Variants in ADGRV1 observed in about 807,000 individuals in gnomAD.
ADGRV1 encodes G-protein coupled receptor 98.
Under a neutral mutation model 596.2 loss-of-function variants are expected in ADGRV1, and 359 were observed. The ratio of observed to expected loss-of-function variants is 0.60; its 90% confidence interval spans 0.55 to 0.66. ADGRV1 has a LOEUF of 0.66. Among genes scored for constraint, ADGRV1 ranks in the 30% least tolerant of loss-of-function variants. The probability of loss-of-function intolerance (pLI) is 0.00; values close to 1 mark genes in which losing one functional copy is unlikely to be tolerated. For synonymous variants in ADGRV1, 2,681 were observed against 2,679.2 expected (o/e 1.00, Z -0.02); for missense variants, 7,274 against 7,575.6 (o/e 0.96, Z 1.48).
intron 85 of ADGRV1, among the ~76,000 whole-genome samples, chr5:91,003,882 A>T (rs1782047642): frequency 6.6e-6 from 1 of 152,196 alleles, no homozygotes; most frequent in African/African-American, 2.4e-5. Flanking sequence ...GTAGGAAAGT[A>T]TCATTAATGG....
chr5:90,954,337 G>A (rs1241260459), intron 83 of ADGRV1, among the ~76,000 whole-genome samples: 7 of 152,054 alleles, frequency 4.6e-5, no homozygotes, highest in East Asian at 1.9e-4. Context: ...TCTATTATAC[G>A]TTAGAAAATA....
At chr5:90,798,813 C>A (rs1476387412) in intron 70 of ADGRV1, among the ~76,000 whole-genome samples, 1 of 152,112 alleles carries the variant, frequency 6.6e-6, no homozygotes, top group Non-Finnish European at 1.5e-5. Context: ...GAAACAGAAG[C>A]AATGACAAAA....
At chr5:90,633,537 C>G (rs1765767368) in intron 9 of ADGRV1, among the ~76,000 whole-genome samples, 2 of 151,864 alleles carry the variant, frequency 1.3e-5, no homozygotes, top group African/African-American at 4.8e-5. Flanking sequence ...TGCCTTATAA[C>G]AATGCACACC....
At chr5:90,727,128 C>G (rs1396149582) in intron 48 of ADGRV1, among the ~76,000 whole-genome samples, 1 of 152,068 alleles carries the variant, frequency 6.6e-6, no homozygotes, top group East Asian at 1.9e-4. Flanking sequence ...GGCTCTGTGG[C>G]CCAGGCTTGA....
At chr5:90,817,678 C>G (rs1763035382) in intron 75 of ADGRV1, among the ~76,000 whole-genome samples, 6 of 152,208 alleles carry the variant, frequency 3.9e-5, no homozygotes, top group Admixed American at 3.3e-4. Flanking sequence ...GGAATCCTTT[C>G]CCCATTGCTT....
Position 90,802,827 on chromosome 5 carries a change from T to G in ADGRV1, c.14606T>G (p.Leu4869Arg), listed in dbSNP as rs941938683. 1.2e-6 allele frequency: 2 copies of G among 1,611,998 alleles called. No homozygotes were observed. The highest frequency in any genetic ancestry group is 1.7e-5 in the Admixed American group (1 of 59,798). ...GGRFYGMPTILQEAKSAVLPV... is the reference protein window; with the variant it reads ...GGRFYGMPTIRQEAKSAVLPV... ...CGTTTCTATGGAATGCCAACAATTC[T>G]TCAGGAAGCAAAATCTGCTGTCCTT... The change falls in exon 71 of 90, where the codon CTT becomes CGT. Residue 4869 changes from leucine (L) to arginine (R), a missense_variant. Transcript: ENST00000405460.
chr5:90,884,596 TCTAA>T (rs779817677), intron 83 of ADGRV1, among the ~76,000 whole-genome samples: 2 of 152,300 alleles, frequency 1.3e-5, no homozygotes, highest in South Asian at 2.1e-4. Flanking sequence ...GCCTGATCAC[TCTAA>T]CTATTCTTTG....
At chr5:90,724,765 A>G (rs1396748828) in intron 45 of ADGRV1, 67 bp from the exon 46 acceptor site, 17 of 1,405,458 alleles carry the variant, frequency 1.2e-5, no homozygotes, top group Non-Finnish European at 1.7e-5. Context: ...TTGTTTAAAC[A>G]ATAAATTAGA....
intron 1 of ADGRV1, among the ~76,000 whole-genome samples, chr5:90,598,583 G>A (rs888625670): frequency 2.6e-5 from 4 of 152,170 alleles, no homozygotes; most frequent in Non-Finnish European, 2.9e-5. Context: ...GACAGATGGA[G>A]GAAGACTGGC....
chr5:91,144,103 A>G (rs1795336165), intron 87 of ADGRV1, among the ~76,000 whole-genome samples: 1 of 151,962 alleles, frequency 6.6e-6, no homozygotes. Flanking sequence ...GGCCCTTGAG[A>G]GTGCAGAGAT....
chr5:90,617,732 T>C, intron 2 of ADGRV1, 72 bp from the exon 3 acceptor site: 1 of 1,239,312 alleles, frequency 8.1e-7, no homozygotes, highest in South Asian at 1.6e-5. Flanking sequence ...TCTTGATTGC[T>C]GTAATTAACA....
chr5:90,855,113 A>C lies in ADGRV1; in HGVS notation c.17595-628A>C, dbSNP rs577578880. Among the ~76,000 whole-genome samples the C allele has an allele frequency of 1.2e-4, 18 of 152,316 alleles. No individual in the cohort carries two copies. The South Asian group carries it at 3.1e-3, about 26-fold the overall frequency. ...AGAGGCATTTTAAGGGAAGAGGCTCAAGTGATAGTCACTGAGGAAGGCTCA... is the reference window on the plus strand; with the variant it reads ...AGAGGCATTTTAAGGGAAGAGGCTCCAGTGATAGTCACTGAGGAAGGCTCA... On this transcript the variant is annotated intron_variant, in intron 81 of 89. Coordinates refer to ENST00000405460, the MANE Select transcript of ADGRV1 (RefSeq NM_032119.4).
Position 90,692,728 on chromosome 5 carries a change from T to G in ADGRV1, c.7075T>G (p.Tyr2359Asp). 3 of 1,609,300 alleles carry G rather than the reference T, an allele frequency of 1.9e-6. No homozygotes were observed. The change falls in exon 32 of 90, where the codon TAT becomes GAT. Residue 2359 changes from tyrosine to aspartate, a missense_variant. Tyr to Asp is a radical substitution (Grantham distance 160, BLOSUM62 -3). This residue lies in a region of ADGRV1 where 3,643 missense variants were observed against 3,809.2 expected (regional missense o/e 0.96). Transcript: ENST00000405460. ...TACAGTAGCCTTTGCTCAGATGGTT[T>G]ATCGTGTTCAAGAGCCTCTGGAAAG... ...YGTVAFAQMV[Y>D]RVQEPLERSS...
At chr5:91,131,830 A>G (rs1042644989) in intron 87 of ADGRV1, among the ~76,000 whole-genome samples, 3 of 151,952 alleles carry the variant, frequency 2.0e-5, no homozygotes, top group Non-Finnish European at 4.4e-5. Context: ...TGTTTTTGTT[A>G]CGTTTGCTTT....
chr5:90,919,852 G>T (rs1238225095), intron 83 of ADGRV1, among the ~76,000 whole-genome samples: 1 of 151,964 alleles, frequency 6.6e-6, no homozygotes, highest in Non-Finnish European at 1.5e-5. Flanking sequence ...AAATTAGCTG[G>T]GCATGGTGGC....
intron 1 of ADGRV1, among the ~76,000 whole-genome samples, chr5:90,566,793 G>T (rs1338193403): frequency 6.6e-6 from 1 of 151,678 alleles, no homozygotes; most frequent in Non-Finnish European, 1.5e-5. Flanking sequence ...TCTTTTCCAA[G>T]GATACGTTTT....
At chr5:91,036,615 GCT>G (rs1180550926) in intron 85 of ADGRV1, among the ~76,000 whole-genome samples, 2 of 151,306 alleles carry the variant, frequency 1.3e-5, no homozygotes, top group Non-Finnish European at 2.9e-5. Context: ...AGTCCTAGTT[GCT>G]AGAGAGGCTG....
At chr5:90,809,032 C>T (rs1581190566) in intron 73 of ADGRV1, among the ~76,000 whole-genome samples, 1 of 151,276 alleles carries the variant, frequency 6.6e-6, no homozygotes, top group African/African-American at 2.4e-5. Flanking sequence ...CTGCAAGCTC[C>T]GCCTCCCGGG....
chr5:90,602,912 C>T (rs1352684103), intron 1 of ADGRV1, among the ~76,000 whole-genome samples: 3 of 152,186 alleles, frequency 2.0e-5, no homozygotes, highest in Non-Finnish European at 4.4e-5. Flanking sequence ...AGTGGTGTGG[C>T]AGTGGTTTCC....
Sources: gnomAD v4.1 joint callset for allele counts (sites outside exome capture counted in the v4.1 genomes callset) on GRCh38, gnomAD v4.1.1 for gene constraint, gnomAD v4.1.1 regional missense constraint, MANE v1.5 for transcripts, NCBI Gene and HGNC (gene_info 2026-07-23, HGNC 2026-07-21) for gene names.